The following SLC2A13 variants were observed in gnomAD, a reference collection of about 807,000 sequenced individuals.
The protein encoded by SLC2A13 is solute carrier family 2 member 13.
In SLC2A13, 32 loss-of-function variants were observed where a neutral mutation model predicts 64.4. That is an observed-to-expected ratio of 0.50 (90% CI 0.37 to 0.67). SLC2A13 has a LOEUF of 0.67. Ranked by LOEUF, SLC2A13 falls within the 30% of genes least tolerant of loss-of-function variation. SLC2A13 has a pLI of 0.00. For missense variants in SLC2A13, 743 were observed against 829.2 expected, an observed-to-expected ratio of 0.90 and a Z score of 1.28; for synonymous variants, 338 against 327.1, an observed-to-expected ratio of 1.03 and a Z score of -0.36.
intron 3 of SLC2A13, among the ~76,000 whole-genome samples, chr12:39,955,666 A>C (rs1946302775): frequency 6.6e-6 from 1 of 152,166 alleles, no homozygotes; most frequent in Non-Finnish European, 1.5e-5. Flanking sequence ...ATTAAGTTAA[A>C]AATTTTGCGA....
intron 1 of SLC2A13, among the ~76,000 whole-genome samples, chr12:40,099,631 A>G: frequency 6.6e-6 from 1 of 152,228 alleles, no homozygotes; most frequent in East Asian, 1.9e-4. Context: ...GACTTACGTT[A>G]TCTTACTGAC....
At chr12:40,092,072 A>G (rs1164592341) in intron 1 of SLC2A13, among the ~76,000 whole-genome samples, 1 of 152,170 alleles carries the variant, frequency 6.6e-6, no homozygotes, top group Non-Finnish European at 1.5e-5. Flanking sequence ...ACATATGAGT[A>G]TCACTATGGG....
At chr12:39,856,276 T>C (rs1943605176) in intron 6 of SLC2A13, among the ~76,000 whole-genome samples, 1 of 152,150 alleles carries the variant, frequency 6.6e-6, no homozygotes, top group Non-Finnish European at 1.5e-5. Context: ...CATCCATCCA[T>C]CCACCCAAAC....
chr12:40,023,026 C>T (rs143326957), intron 3 of SLC2A13, among the ~76,000 whole-genome samples: 244 of 152,288 alleles, frequency 1.6e-3, no homozygotes, highest in South Asian at 4.4e-3. Flanking sequence ...GTCAGTGTCT[C>T]CCTTGCCTGC....
At chr12:39,959,644 A>C (rs1471110626) in intron 3 of SLC2A13, among the ~76,000 whole-genome samples, 4 of 152,236 alleles carry the variant, frequency 2.6e-5, no homozygotes, top group Non-Finnish European at 5.9e-5. Context: ...AATGAAGCAG[A>C]CATAAAATGC....
chr12:39,796,088 G>T (rs904761551), intron 7 of SLC2A13, among the ~76,000 whole-genome samples: 143 of 152,220 alleles, frequency 9.4e-4, no homozygotes, highest in African/African-American at 3.3e-3. Flanking sequence ...TCTGTGTATG[G>T]ATTTGCTTAT....
chr12:39,945,660 C>T (rs561946626), intron 4 of SLC2A13, among the ~76,000 whole-genome samples: 2 of 152,066 alleles, frequency 1.3e-5, no homozygotes, highest in Admixed American at 6.6e-5. Context: ...CTTCCCAGAG[C>T]ATTTTGCATT....
chr12:39,914,310 C>G (rs1301959177), intron 4 of SLC2A13, among the ~76,000 whole-genome samples: 1 of 152,016 alleles, frequency 6.6e-6, no homozygotes, highest in Non-Finnish European at 1.5e-5. Flanking sequence ...CTGCTTACAA[C>G]AGTGGTGGAA....
At chr12:39,919,513 A>G (rs1297609137) in intron 4 of SLC2A13, among the ~76,000 whole-genome samples, 1 of 152,122 alleles carries the variant, frequency 6.6e-6, no homozygotes, top group Non-Finnish European at 1.5e-5. Context: ...TCATACATTT[A>G]AGATTTCTCT....
chr12:39,879,950 C>T (rs1488030220), intron 4 of SLC2A13, among the ~76,000 whole-genome samples: 3 of 152,120 alleles, frequency 2.0e-5, no homozygotes, highest in African/African-American at 7.2e-5. Flanking sequence ...GTGTTTGGGT[C>T]ATGGGGTGGA....
intron 1 of SLC2A13, among the ~76,000 whole-genome samples, chr12:40,049,792 T>C: frequency 6.6e-6 from 1 of 152,178 alleles, no homozygotes; most frequent in Non-Finnish European, 1.5e-5. Flanking sequence ...AAGTAATACA[T>C]ATTTATTTGG....
intron 7 of SLC2A13, among the ~76,000 whole-genome samples, chr12:39,821,177 A>G (rs187633701): frequency 6.6e-6 from 1 of 152,092 alleles, no homozygotes; most frequent in African/African-American, 2.4e-5. Context: ...ACTTTCGGAG[A>G]CCAAGGCGGG....
intron 4 of SLC2A13, among the ~76,000 whole-genome samples, chr12:39,921,292 A>C (rs1456995174): frequency 6.6e-6 from 1 of 152,036 alleles, no homozygotes; most frequent in African/African-American, 2.4e-5. Flanking sequence ...ATCTTCAGTT[A>C]CCAATACTAG....
At chr12:39,981,748 C>T (rs1218306304) in intron 3 of SLC2A13, among the ~76,000 whole-genome samples, 2 of 147,368 alleles carry the variant, frequency 1.4e-5, no homozygotes, top group Non-Finnish European at 3.0e-5. Context: ...ACCAGAGGTA[C>T]AAGGAGGAAC....
chr12:40,067,767 C>T (rs952004584), intron 1 of SLC2A13, among the ~76,000 whole-genome samples: 3 of 152,144 alleles, frequency 2.0e-5, no homozygotes, highest in Non-Finnish European at 2.9e-5. Flanking sequence ...TACAACTGCA[C>T]GTTTCTTCTC....
intron 1 of SLC2A13, among the ~76,000 whole-genome samples, chr12:40,067,833 A>C (rs1234859213): frequency 6.6e-6 from 1 of 152,112 alleles, no homozygotes; most frequent in East Asian, 1.9e-4. Flanking sequence ...CAATTTTTCT[A>C]TTTACTTTTT....
chr12:40,033,657 G>T (rs1277995867), intron 2 of SLC2A13, among the ~76,000 whole-genome samples: 1 of 152,130 alleles, frequency 6.6e-6, no homozygotes, highest in Non-Finnish European at 1.5e-5. Flanking sequence ...AATTTGTACT[G>T]CTTCTTTTGA....
At chr12:39,832,654 C>T (rs1277730321) in intron 6 of SLC2A13, among the ~76,000 whole-genome samples, 1 of 152,014 alleles carries the variant, frequency 6.6e-6, no homozygotes, top group Non-Finnish European at 1.5e-5. Flanking sequence ...TCACTGCCCT[C>T]GTGAAGCTGA....
chr12:40,063,438 G>A lies in SLC2A13; in HGVS notation c.557-15228C>T, dbSNP rs1948457502. Reference sequence around the variant, plus strand: ...ATATTCCTGCCAACAATTCATCGAAGCATAATGCCTACATCTAAATTAGTA... The same window carrying A: ...ATATTCCTGCCAACAATTCATCGAAACATAATGCCTACATCTAAATTAGTA... On this transcript the variant is annotated intron_variant, in intron 1 of 9. Transcript: ENST00000280871. 9.4e-5 allele frequency among the ~76,000 whole-genome samples: 14 copies of A among 149,206 alleles called. No homozygotes were observed. The Admixed American group carries it at 9.4e-4, about 10-fold the overall frequency.
Sources: gnomAD v4.1 joint callset for allele counts (sites outside exome capture counted in the v4.1 genomes callset) on GRCh38, gnomAD v4.1.1 for gene constraint, MANE v1.5 for transcripts, NCBI Gene and HGNC (gene_info 2026-07-23, HGNC 2026-07-21) for gene names.